The following ZFAND3 variants were observed in gnomAD, a reference collection of about 807,000 sequenced individuals.
ZFAND3 encodes zinc finger AN1-type containing 3.
Under a neutral mutation model 29.6 loss-of-function variants are expected in ZFAND3, and 10 were observed. The observed-to-expected ratio is 0.34, with a 90% CI of 0.21 to 0.57. The LOEUF is 0.57. Among genes scored for constraint, ZFAND3 ranks in the 20% least tolerant of loss-of-function variants. The pLI is 0.86. For missense variants in ZFAND3, 230 were observed against 304.5 expected, an observed-to-expected ratio of 0.76 and a Z score of 1.82; for synonymous variants, 128 against 112.6, an observed-to-expected ratio of 1.14 and a Z score of -0.87.
At chr6:38,003,510 T>TG (rs955051856) in intron 2 of ZFAND3, among the ~76,000 whole-genome samples, 5 of 152,040 alleles carry the variant, frequency 3.3e-5, no homozygotes, top group African/African-American at 4.8e-5. Flanking sequence ...ATCTTTTTTT[T>TG]TTTTTGAGAC....
At chr6:37,911,379 A>G (rs1206502427) in intron 1 of ZFAND3, among the ~76,000 whole-genome samples, 1 of 152,174 alleles carries the variant, frequency 6.6e-6, no homozygotes, top group Non-Finnish European at 1.5e-5. Flanking sequence ...GACCATTTAA[A>G]AAATTGGGTT....
Position 38,152,799 on chromosome 6 carries a change from T to C in ZFAND3, c.*410T>C, listed in dbSNP as rs954721781. ...CGACGCACATGGCTTTGCCAGAAAC[T>C]CTGTTTAATGATCGGCCTTTCACCT... On this transcript the variant is annotated 3_prime_UTR_variant, in exon 6 of 6. Transcript: ENST00000287218. The C allele has an allele frequency of 2.2e-5, 22 of 988,584 alleles. No individual in the cohort carries two copies. The highest frequency in any genetic ancestry group is 1.2e-4 in the Admixed American group (2 of 16,400). 61.2% of individuals were successfully genotyped at this position (988,584 alleles called of 1,614,324 possible). A position where few individuals can be genotyped will look rare whatever the true frequency, so the allele number is the denominator to read the frequency against.
At chr6:38,043,521 TCCTTTTCTCCCCTCTCC>T (rs1201197874) in intron 2 of ZFAND3, among the ~76,000 whole-genome samples, 5 of 147,918 alleles carry the variant, frequency 3.4e-5, no homozygotes, top group African/African-American at 5.0e-5. Context: ...CCTCCCTCTC[TCCTTTTCTCCCCTCTCC>T]CCTTTTCTCC....
chr6:38,006,904 G>A (rs1763060418), intron 2 of ZFAND3, among the ~76,000 whole-genome samples: 1 of 151,994 alleles, frequency 6.6e-6, no homozygotes, highest in South Asian at 2.1e-4. Flanking sequence ...TAATAAAAAG[G>A]GCCACAAGTG....
At position 37,866,856 on chromosome 6, in the gene ZFAND3, C is replaced by T. The variant is rs143963459; in HGVS notation, c.71+46840C>T. On this transcript the variant is annotated intron_variant, in intron 1 of 5. Coordinates refer to ENST00000287218, the MANE Select transcript of ZFAND3 (RefSeq NM_021943.3). ...GTGGTAAGGTCAGGTAAGAACTTCA[C>T]GAAGCCTTTTAGGAATTTGTCTGTA... 5.9e-3 allele frequency among the ~76,000 whole-genome samples: 900 copies of T among 152,260 alleles called. 5 individuals carry two copies. The highest frequency in any genetic ancestry group is 1.0e-2 in the Non-Finnish European group (677 of 68,022).
chr6:37,974,921 A>G (rs572085648), intron 2 of ZFAND3, among the ~76,000 whole-genome samples: 1 of 152,222 alleles, frequency 6.6e-6, no homozygotes, highest in Non-Finnish European at 1.5e-5. Flanking sequence ...GTAGGTAGGA[A>G]TATAGATGTG....
intron 5 of ZFAND3, among the ~76,000 whole-genome samples, chr6:38,128,897 T>C (rs1165712593): frequency 6.6e-6 from 1 of 152,250 alleles, no homozygotes; most frequent in Non-Finnish European, 1.5e-5. Context: ...GTTTTACTTT[T>C]AGTTTTTTAA....
chr6:38,058,869 A>G (rs1165758720), intron 2 of ZFAND3, among the ~76,000 whole-genome samples: 1 of 152,240 alleles, frequency 6.6e-6, no homozygotes, highest in African/African-American at 2.4e-5. Flanking sequence ...TTATACACAT[A>G]AAACATTTAG....
intron 2 of ZFAND3, among the ~76,000 whole-genome samples, chr6:37,954,811 A>G (rs990825134): frequency 2.0e-5 from 3 of 152,206 alleles, no homozygotes; most frequent in Non-Finnish European, 4.4e-5. Context: ...CAGCCCTACA[A>G]TTCACAGTCT....
At chr6:37,908,719 A>G (rs1441138542) in intron 1 of ZFAND3, among the ~76,000 whole-genome samples, 1 of 149,106 alleles carries the variant, frequency 6.7e-6, no homozygotes, top group Non-Finnish European at 1.5e-5. Flanking sequence ...CCTTTATAAT[A>G]AACAAGTAAA....
At chr6:38,080,841 GT>G (rs1339827330) in intron 3 of ZFAND3, among the ~76,000 whole-genome samples, 1 of 152,146 alleles carries the variant, frequency 6.6e-6, no homozygotes, top group Non-Finnish European at 1.5e-5. Flanking sequence ...CTTGTTCCCT[GT>G]TTTCATGTCG....
intron 1 of ZFAND3, among the ~76,000 whole-genome samples, chr6:37,913,672 T>C (rs1765562496): frequency 6.6e-6 from 1 of 151,468 alleles, no homozygotes; most frequent in Non-Finnish European, 1.5e-5. Context: ...AATAGTCTAT[T>C]ATTTACTTTG....
At chr6:38,093,650 A>C (rs188449295) in intron 4 of ZFAND3, among the ~76,000 whole-genome samples, 6 of 152,290 alleles carry the variant, frequency 3.9e-5, no homozygotes, top group African/African-American at 1.2e-4. Flanking sequence ...TGTGAGGACT[A>C]AGGAAAGCTA....
At position 38,052,708 on chromosome 6, in the gene ZFAND3, A is replaced by T. The variant is rs191299961; in HGVS notation, c.113-8885A>T. Among the ~76,000 whole-genome samples, 7 of 152,254 alleles carry T rather than the reference A, an allele frequency of 4.6e-5. No homozygotes were observed. In the East Asian group the frequency reaches 1.4e-3, roughly 29 times the overall value. On this transcript the variant is annotated intron_variant, in intron 2 of 5. Transcript: ENST00000287218. ...AGGATTTACCAAGGTGAATATGAGGATAAAAAAATCTCCCACGTGTCATGA... is the reference window on the plus strand; with the variant it reads ...AGGATTTACCAAGGTGAATATGAGGTTAAAAAAATCTCCCACGTGTCATGA...
chr6:38,073,163 C>A (rs947665316), intron 3 of ZFAND3, among the ~76,000 whole-genome samples: 2 of 152,058 alleles, frequency 1.3e-5, no homozygotes, highest in African/African-American at 4.8e-5. Context: ...TTTACAAGTC[C>A]ACGCAACAGT....
At chr6:37,861,585 A>G (rs562485812) in intron 1 of ZFAND3, among the ~76,000 whole-genome samples, 230 of 152,326 alleles carry the variant, frequency 1.5e-3, no homozygotes, top group African/African-American at 5.2e-3. Flanking sequence ...TCTACATTTC[A>G]CAGGTGAAGA....
chr6:38,100,234 T>C (rs1291832658), intron 4 of ZFAND3, among the ~76,000 whole-genome samples: 2 of 152,028 alleles, frequency 1.3e-5, no homozygotes, highest in Admixed American at 6.6e-5. Context: ...AAGCTCGTTT[T>C]TGTATTTTTA....
chr6:38,144,208 TATAATATATAA>T lies in ZFAND3; in HGVS notation c.530-8026_530-8016del, dbSNP rs1766042859. Among the ~76,000 whole-genome samples, 4 of 43,474 alleles carry T rather than the reference TATAATATATAA, an allele frequency of 9.2e-5. No individual in the cohort carries two copies. In the South Asian group the frequency reaches 2.0e-3, roughly 21 times the overall value. The allele number at this position is 43,474 out of a possible 152,430, so 28.5% of individuals were successfully genotyped here. ...TAATATATATATATATATATATATATATAATATATAATATATATATATATTTTTTTTTTAAT... is the reference window on the plus strand; with the variant it reads ...TAATATATATATATATATATATATATTATATATATATATTTTTTTTTTAAT... On this transcript the variant is annotated intron_variant, in intron 5 of 5. Coordinates refer to ENST00000287218, the MANE Select transcript of ZFAND3 (RefSeq NM_021943.3).
intron 5 of ZFAND3, among the ~76,000 whole-genome samples, chr6:38,130,091 G>GT (rs1562010532): frequency 6.6e-6 from 1 of 151,700 alleles, no homozygotes; most frequent in Admixed American, 6.6e-5. Flanking sequence ...TGTTTGTTTT[G>GT]TTTTTGCACC....
Sources: gnomAD v4.1 joint callset for allele counts (sites outside exome capture counted in the v4.1 genomes callset) on GRCh38, gnomAD v4.1.1 for gene constraint, MANE v1.5 for transcripts, NCBI Gene and HGNC (gene_info 2026-07-23, HGNC 2026-07-21) for gene names.